Variants in CADPS observed in about 807,000 individuals in gnomAD.
CADPS encodes calcium dependent secretion activator.
In CADPS, 57 loss-of-function variants were observed where a neutral mutation model predicts 167.3. The ratio of observed to expected loss-of-function variants is 0.34; its 90% CI spans 0.28 to 0.42. The LOEUF (loss-of-function observed/expected upper bound fraction) is 0.42. CADPS is among the 20% of genes least tolerant of loss of function. The probability of loss-of-function intolerance (pLI) is 1.00; values close to 1 mark genes in which losing one functional copy is unlikely to be tolerated. For missense variants in CADPS, 1,414 were observed against 1,738.1 expected, an observed-to-expected ratio of 0.81 and a Z score of 3.32; for synonymous variants, 676 against 635.3, an observed-to-expected ratio of 1.06 and a Z score of -0.96.
chr3:62,534,032 G>A (rs1012351722), intron 12 of CADPS, among the ~76,000 whole-genome samples: 19 of 152,166 alleles, frequency 1.2e-4, no homozygotes, highest in Non-Finnish European at 8.8e-5. Flanking sequence ...GCCCCATTAC[G>A]CACTTAAGAA....
chr3:62,799,088 A>G (rs1246112254), intron 1 of CADPS, among the ~76,000 whole-genome samples: 4 of 152,114 alleles, frequency 2.6e-5, no homozygotes, highest in African/African-American at 7.2e-5. Context: ...TAGACAGCAT[A>G]TGTGTGTCAT....
At chr3:62,518,710 G>A (rs2069624536) in intron 13 of CADPS, among the ~76,000 whole-genome samples, 1 of 152,112 alleles carries the variant, frequency 6.6e-6, no homozygotes, top group Non-Finnish European at 1.5e-5. Flanking sequence ...GGTCCACATT[G>A]CTAAATTGTA....
intron 1 of CADPS, among the ~76,000 whole-genome samples, chr3:62,812,338 C>A (rs2094429352): frequency 6.6e-6 from 1 of 152,084 alleles, no homozygotes; most frequent in African/African-American, 2.4e-5. Flanking sequence ...CATAAGGTGG[C>A]CTTCAAGTGA....
chr3:62,833,723 AAG>A (rs1333383887), intron 1 of CADPS, among the ~76,000 whole-genome samples: 11 of 151,986 alleles, frequency 7.2e-5, no homozygotes, highest in Non-Finnish European at 1.2e-4. Flanking sequence ...GGAGACAGAG[AAG>A]CTGGTGCTGA....
intron 3 of CADPS, among the ~76,000 whole-genome samples, chr3:62,678,373 A>G (rs1563737401): frequency 6.6e-6 from 1 of 152,148 alleles, no homozygotes; most frequent in Non-Finnish European, 1.5e-5. Flanking sequence ...GTAAGGCAAA[A>G]TATATTGCCC....
intron 1 of CADPS, among the ~76,000 whole-genome samples, chr3:62,791,489 A>G (rs1182779991): frequency 4.6e-5 from 7 of 152,210 alleles, no homozygotes; most frequent in Non-Finnish European, 8.8e-5. Flanking sequence ...CTCATTCCCT[A>G]TTGTAACCTA....
At chr3:62,461,172 T>C (rs550067756) in intron 26 of CADPS, among the ~76,000 whole-genome samples, 429 of 152,358 alleles carry the variant, frequency 2.8e-3, no homozygotes, top group Non-Finnish European at 5.2e-3. Context: ...GGGATTGTTC[T>C]GAGGATTCAG....
In CADPS at chr3:62,671,199, G is replaced by A. The variant is rs546480918; in HGVS notation, c.889-8805C>T. Among the ~76,000 whole-genome samples the A allele has an allele frequency of 1.1e-3, 165 of 152,176 alleles. 1 individual carries two copies. The highest frequency in any genetic ancestry group is 5.6e-3 in the South Asian group (27 of 4,804). On this transcript the variant is annotated intron_variant, in intron 3 of 29. Coordinates refer to ENST00000383710, the MANE Select transcript of CADPS (RefSeq NM_003716.4). ...TTAGCATCATGTCCCAAATATGAGGGGTTGCAAGGTTAAGGCCATAATGTA... is the reference window on the plus strand; with the variant it reads ...TTAGCATCATGTCCCAAATATGAGGAGTTGCAAGGTTAAGGCCATAATGTA...
chr3:62,823,739 G>C (rs1047798661), intron 1 of CADPS, among the ~76,000 whole-genome samples: 10 of 152,190 alleles, frequency 6.6e-5, no homozygotes, highest in African/African-American at 2.4e-4. Flanking sequence ...TGCACTGAAT[G>C]AGGTAAGCCT....
intron 24 of CADPS, among the ~76,000 whole-genome samples, chr3:62,472,378 C>G (rs1298323237): frequency 2.6e-5 from 4 of 152,164 alleles, no homozygotes; most frequent in Admixed American, 2.6e-4. Flanking sequence ...AAAACAGTAG[C>G]TCCAAGGGGA....
At chr3:62,821,041 T>C (rs573576636) in intron 1 of CADPS, among the ~76,000 whole-genome samples, 1 of 152,246 alleles carries the variant, frequency 6.6e-6, no homozygotes, top group South Asian at 2.1e-4. Context: ...CCTTCTGATC[T>C]ACCCACCTTG....
intron 19 of CADPS, 85 bp from the exon 20 acceptor site, chr3:62,492,531 T>C: frequency 1.5e-6 from 2 of 1,328,446 alleles, no homozygotes; most frequent in Non-Finnish European, 2.1e-6. Context: ...GCCCTCACTG[T>C]TCAAAATTAA....
intron 1 of CADPS, among the ~76,000 whole-genome samples, chr3:62,811,462 T>C (rs1377226265): frequency 6.6e-6 from 1 of 152,214 alleles, no homozygotes. Flanking sequence ...TTTATATTTG[T>C]TGTTTAGAAA....
chr3:62,741,077 C>A (rs1051505440), intron 3 of CADPS, among the ~76,000 whole-genome samples: 1 of 152,128 alleles, frequency 6.6e-6, no homozygotes, highest in Non-Finnish European at 1.5e-5. Context: ...CCAGCCCACC[C>A]TATACTTCAT....
In CADPS at chr3:62,474,163, T is replaced by TTTTTTTTTTTTTTTTTTTTTTTTTTC; in HGVS notation, c.3477+9_3477+10insGAAAAAAAAAAAAAAAAAAAAAAAAA. 7.1e-7 allele frequency: 1 copy of TTTTTTTTTTTTTTTTTTTTTTTTTTC among 1,402,006 alleles called. No individual in the cohort carries two copies. The highest frequency in any genetic ancestry group is 1.6e-5 in the African/African-American group (1 of 64,374). The allele number at this position is 1,402,006 out of a possible 1,614,324, so 86.8% of individuals were successfully genotyped here. A position where few individuals can be genotyped will look rare whatever the true frequency, so the allele number is the denominator to read the frequency against. On this transcript the variant is annotated intron_variant, in intron 24 of 29. Transcript: ENST00000383710. ...GAAAAAAAAATCTGTATTTTTTTTT[T>TTTTTTTTTTTTTTTTTTTTTTTTTTC]TTTTTTTACCTCTTGGCCCATTTCC...
At chr3:62,448,561 G>T (rs547105458) in intron 26 of CADPS, among the ~76,000 whole-genome samples, 1 of 151,896 alleles carries the variant, frequency 6.6e-6, no homozygotes, top group Non-Finnish European at 1.5e-5. Flanking sequence ...GGTAAATTGT[G>T]GTCTATTATT....
In CADPS at chr3:62,481,727, C is replaced by T. The variant is rs1308638231; in HGVS notation, c.3169G>A (p.Ala1057Thr). The change falls in exon 22 of 30, where the codon GCG (alanine) becomes ACG (threonine). Residue 1057 changes from alanine (A) to threonine (T), a missense_variant. Ala to Thr is a moderately conservative substitution (Grantham distance 58). Transcript: ENST00000383710. ...APSWMAAIYD[A>T]DNGSGTSEDL... is the part of the protein sequence containing the mutation. ...TAATGTGAACTGAATACACACTCCGCATCATATATAGCAGCCATCCATGAC... is the reference window on the plus strand; with the variant it reads ...TAATGTGAACTGAATACACACTCCGTATCATATATAGCAGCCATCCATGAC... 1.3e-6 allele frequency: 2 copies of T among 1,598,242 alleles called. No homozygotes were observed. Among genetic ancestry groups the T allele is most frequent in the South Asian group, 1.1e-5 (1 of 86,996 alleles).
At chr3:62,614,542 C>T (rs184319045) in intron 6 of CADPS, among the ~76,000 whole-genome samples, 3 of 152,172 alleles carry the variant, frequency 2.0e-5, no homozygotes, top group Non-Finnish European at 2.9e-5. Context: ...TTATCTTGTC[C>T]CTTGCCTCAG....
intron 9 of CADPS, among the ~76,000 whole-genome samples, chr3:62,562,391 T>C (rs182433052): frequency 1.5e-4 from 23 of 152,344 alleles, no homozygotes; most frequent in African/African-American, 5.5e-4. Flanking sequence ...TCCATTATTT[T>C]CTATGTGAAC....
Sources: allele counts gnomAD v4.1 joint callset (sites outside exome capture counted in the v4.1 genomes callset), GRCh38; gene constraint gnomAD v4.1.1; transcripts MANE v1.5; gene names NCBI Gene and HGNC (gene_info 2026-07-23, HGNC 2026-07-21).